The following IL10RB variants were observed in gnomAD, a reference collection of about 807,000 sequenced individuals.
IL10RB encodes the protein interleukin-10 receptor subunit beta.
In IL10RB, 30 loss-of-function variants were observed where a neutral mutation model predicts 38.7. The ratio of observed to expected loss-of-function variants is 0.78; its 90% CI spans 0.58 to 1.05. The LOEUF (loss-of-function observed/expected upper bound fraction) is 1.05, where lower values mean the gene tolerates loss of function less well. IL10RB is among the 50% of genes least tolerant of loss of function. IL10RB has a pLI of 0.00. For synonymous variants in IL10RB, 142 were observed against 145.9 expected, an observed-to-expected ratio of 0.97 and a Z score of 0.19; for missense variants, 328 against 397.1, an observed-to-expected ratio of 0.83 and a Z score of 1.48.
Position 33,271,527 on chromosome 21 carries a change from G to C in IL10RB, c.173+3010G>C, listed in dbSNP as rs183706211. On this transcript the variant is annotated intron_variant, in intron 2 of 6. Transcript: ENST00000290200. ...GTGGATCACCTGAGATCAGGAGTTCGAGACCAGCCTTACCAACATGGCAAA... is the reference window on the plus strand; with the variant it reads ...GTGGATCACCTGAGATCAGGAGTTCCAGACCAGCCTTACCAACATGGCAAA... 2.0e-5 allele frequency among the ~76,000 whole-genome samples: 3 copies of C among 151,998 alleles called. No individual in the cohort carries two copies. In the East Asian group the frequency reaches 5.8e-4, roughly 29 times the overall value.
chr21:33,285,150 C>T (rs989273528), intron 5 of IL10RB, among the ~76,000 whole-genome samples: 4 of 152,182 alleles, frequency 2.6e-5, no homozygotes, highest in Non-Finnish European at 5.9e-5. Flanking sequence ...CTCAGCCTCC[C>T]AAAGTGCTGG....
chr21:33,272,031 C>A (rs1989091349), intron 2 of IL10RB, among the ~76,000 whole-genome samples: 1 of 152,020 alleles, frequency 6.6e-6, no homozygotes. Context: ...GTGAGAAAAC[C>A]CCCTTAATGA....
In IL10RB at chr21:33,296,529, C is replaced by T. The variant is rs2082968098; in HGVS notation, c.*172C>T. On this transcript the variant is annotated 3_prime_UTR_variant, in exon 7 of 7. Transcript: ENST00000290200. ...CAGAGAGCTACATTTTAAAGGCTGTCTTGGCAAAAATACTCCATTTGGGAA... is the reference window on the plus strand; with the variant it reads ...CAGAGAGCTACATTTTAAAGGCTGTTTTGGCAAAAATACTCCATTTGGGAA... 2.7e-6 allele frequency: 2 copies of T among 728,716 alleles called. No homozygotes were observed. The highest frequency in any genetic ancestry group is 4.9e-6 in the Non-Finnish European group (2 of 410,550). The allele number at this position is 728,716 out of a possible 1,614,324, so 45.1% of individuals were successfully genotyped here.
intron 2 of IL10RB, among the ~76,000 whole-genome samples, chr21:33,273,150 G>A (rs1381096181): frequency 6.6e-6 from 1 of 152,136 alleles, no homozygotes; most frequent in Non-Finnish European, 1.5e-5. Flanking sequence ...AGGCTATGTG[G>A]TTTAGCCTAT....
In IL10RB at chr21:33,296,884, G is replaced by T. The variant is rs1238537505; in HGVS notation, c.*527G>T. ...AATTGCATGAACCCGGGAGGAGGAG[G>T]AGGAGGTTGCAGTGAGCCGAGATAG... On this transcript the variant is annotated 3_prime_UTR_variant, in exon 7 of 7. Coordinates refer to ENST00000290200, the MANE Select transcript of IL10RB (RefSeq NM_000628.5). The T allele has an allele frequency of 1.7e-5, 4 of 235,660 alleles. No individual in the cohort carries two copies. The East Asian group carries it at 4.5e-4, about 27-fold the overall frequency. The allele number at this position is 235,660 out of a possible 1,614,324, so 14.6% of individuals were successfully genotyped here.
chr21:33,278,046 C>CAAAAAAAAAAAAAAAAAACAA (rs1989209718), intron 3 of IL10RB, among the ~76,000 whole-genome samples: 1 of 118,932 alleles, frequency 8.4e-6, no homozygotes, highest in Non-Finnish European at 1.8e-5. Flanking sequence ...AAAAAAATAC[C>CAAAAAAAAAAAAAAAAAACAA]AAAAAAAAAA....
rs545387100 is a variant in IL10RB at position 33,286,168 on chromosome 21, C to T, written c.647-1936C>T. 9.0e-4 allele frequency among the ~76,000 whole-genome samples: 137 copies of T among 152,298 alleles called. 1 individual carries two copies. The highest frequency in any genetic ancestry group is 3.2e-3 in the African/African-American group (133 of 41,566). On this transcript the variant is annotated intron_variant, in intron 5 of 6. Transcript: ENST00000290200. ...ACAGATGCCACTTCCATCCCTCAGA[C>T]GTTTAAGGAGTGTGCACTGTGAGCC... is the stretch of plus-strand genomic sequence containing the variant.
Position 33,288,174 on chromosome 21 carries a change from C to T in IL10RB, c.717C>T (p.Leu239=), listed in dbSNP as rs755556416. 20 of 1,614,062 alleles carry T rather than the reference C, an allele frequency of 1.2e-5. No homozygotes were observed. Among genetic ancestry groups the T allele is most frequent in the Admixed American group, 6.7e-5 (4 of 60,016 alleles). Residue 239 remains leucine (L), a synonymous_variant, in exon 6 of 7, where the codon CTC becomes CTT. Coordinates refer to ENST00000290200, the MANE Select transcript of IL10RB (RefSeq NM_000628.5). ...ASVFMVCLAL[L]GCFALLWCVY... ...TCTTCATGGTCTGCCTGGCACTCCT[C>T]GGCTGCTTCGCCTTGCTGTGGTGCG... is the stretch of plus-strand genomic sequence containing the variant.
At chr21:33,273,394 TA>T (rs8178466) in intron 2 of IL10RB, among the ~76,000 whole-genome samples, 1 of 152,160 alleles carries the variant, frequency 6.6e-6, no homozygotes, top group Non-Finnish European at 1.5e-5. Flanking sequence ...GCGTTATGTC[TA>T]AAAAAATGTG....
At chr21:33,288,390 CACACACACACACACAG>C (rs1989420305) in intron 6 of IL10RB, 129 bp downstream of exon 6, 27 of 705,400 alleles carry the variant, frequency 3.8e-5, no homozygotes, top group South Asian at 3.1e-4. Flanking sequence ...CGCACACACA[CACACACACACACACAG>C]ACACGCCTCT....
chr21:33,268,963 G>A (rs1989024897), intron 2 of IL10RB, among the ~76,000 whole-genome samples: 1 of 152,154 alleles, frequency 6.6e-6, no homozygotes, highest in Admixed American at 6.5e-5. Context: ...AAAGCGGTCA[G>A]GAAGCCCCTT....
chr21:33,294,220 C>A (rs574049365), intron 6 of IL10RB: 44 of 335,364 alleles, frequency 1.3e-4, no homozygotes, highest in South Asian at 9.8e-4. Context: ...TCACGACTTT[C>A]TCCAGCTTGA....
At chr21:33,306,298 G>C (rs1232645519) in intron 1 of IL10RB, among the ~76,000 whole-genome samples, 1 of 152,090 alleles carries the variant, frequency 6.6e-6, no homozygotes, top group African/African-American at 2.4e-5. Flanking sequence ...CCACAACATT[G>C]ACATTTTTAT....
At chr21:33,299,126 C>T (rs8133529), downstream of IL10RB, among the ~76,000 whole-genome samples, 34,066 of 152,054 alleles carry the variant, frequency 0.22, 3,993 homozygotes, top group East Asian at 0.38. Context: ...CCACTCGCAC[C>T]CCCTCCCTCT....
chr21:33,271,930 A>ATT (rs8178456), intron 2 of IL10RB, among the ~76,000 whole-genome samples: 1 of 149,118 alleles, frequency 6.7e-6, no homozygotes, highest in African/African-American at 2.5e-5. Context: ...TGTCTCTACA[A>ATT]TTTTTTTTTT....
At chr21:33,292,891 T>G (rs900304731) in intron 6 of IL10RB, among the ~76,000 whole-genome samples, 13 of 152,186 alleles carry the variant, frequency 8.5e-5, no homozygotes, top group African/African-American at 3.1e-4. Flanking sequence ...GGCCCATACC[T>G]TCTGCAGGGC....
intron 2 of IL10RB, among the ~76,000 whole-genome samples, chr21:33,276,254 A>G (rs1226101565): frequency 6.6e-6 from 1 of 152,240 alleles, no homozygotes; most frequent in East Asian, 1.9e-4. Flanking sequence ...CCGAAATGTC[A>G]TTATGCAGCA....
chr21:33,277,538 A>G (rs752747256), intron 3 of IL10RB, among the ~76,000 whole-genome samples: 1 of 152,116 alleles, frequency 6.6e-6, no homozygotes, highest in Non-Finnish European at 1.5e-5. Flanking sequence ...CAAAACTCAC[A>G]TAGAGAAAAG....
chr21:33,270,136 C>T (rs1258245199), intron 2 of IL10RB, among the ~76,000 whole-genome samples: 1 of 152,184 alleles, frequency 6.6e-6, no homozygotes, highest in Non-Finnish European at 1.5e-5. Context: ...ATCTAATTTA[C>T]AGTCCATAGT....
Sources: allele counts gnomAD v4.1 joint callset (sites outside exome capture counted in the v4.1 genomes callset), GRCh38; gene constraint gnomAD v4.1.1; transcripts MANE v1.5; gene names NCBI Gene and HGNC (gene_info 2026-07-23, HGNC 2026-07-21).